GMCL1: variants seen among roughly 807,000 people sequenced by gnomAD.
GMCL1 encodes the protein germ cell-less protein-like 1.
Under a neutral mutation model 75.5 loss-of-function variants are expected in GMCL1, and 54 were observed. The ratio of observed to expected loss-of-function variants is 0.71; its 90% CI spans 0.57 to 0.90. GMCL1 has a LOEUF of 0.90. Ranked by LOEUF, GMCL1 falls within the 40% of genes least tolerant of loss-of-function variation. The probability of loss-of-function intolerance (pLI) is 0.00; values close to 1 mark genes in which losing one functional copy is unlikely to be tolerated. For synonymous variants in GMCL1, 210 were observed against 209.6 expected (o/e 1.00, Z -0.02); for missense variants, 537 against 622.7 (o/e 0.86, Z 1.47).
rs191915059 is a variant in GMCL1, at chr2:69,835,657, A to C, written c.261-1890A>C. 5.0e-3 allele frequency among the ~76,000 whole-genome samples: 762 copies of C among 151,878 alleles called. 5 individuals carry two copies. The highest frequency in any genetic ancestry group is 0.011 in the Admixed American group (169 of 15,154). The stretch of plus-strand genomic sequence containing the variant: ...GCTTTCATGGATCACAGCACATTTC[A>C]TATTTTAGTAATTTTCACCCCTGGT... On this transcript the variant is annotated intron_variant, in intron 1 of 13. Coordinates refer to ENST00000282570, the MANE Select transcript of GMCL1 (RefSeq NM_178439.5).
At chr2:69,847,682 A>G in intron 7 of GMCL1, 55 bp downstream of exon 7, 1 of 1,024,558 alleles carries the variant, frequency 9.8e-7, no homozygotes. Context: ...AGCAATGCGT[A>G]TAATGGTGAA....
At position 69,880,523 on chromosome 2, in the gene GMCL1, T is replaced by C. The variant is rs1178041534; in HGVS notation, c.*1519T>C. On this transcript the variant is annotated 3_prime_UTR_variant, in exon 14 of 14. Coordinates refer to ENST00000282570, the MANE Select transcript of GMCL1 (RefSeq NM_178439.5). ...TTTAAATGTTTCTAATACAGTGATT[T>C]GGCTGTTATCAAGAGGTTACATTTC... 2 of 152,166 alleles carry C rather than the reference T, an allele frequency of 1.3e-5. No homozygotes were observed. Among genetic ancestry groups the C allele is most frequent in the African/African-American group, 4.8e-5 (2 of 41,432 alleles). The allele number at this position is 152,166 out of a possible 1,614,324, so 9.4% of individuals were successfully genotyped here.
At chr2:69,837,799 C>A in intron 2 of GMCL1, 129 bp downstream of exon 2, 1 of 1,081,828 alleles carries the variant, frequency 9.2e-7, no homozygotes. Context: ...TTTGATCAGT[C>A]TGTAAGAAAA....
chr2:69,835,759 TG>T (rs1374789745), intron 1 of GMCL1, among the ~76,000 whole-genome samples: 1 of 152,192 alleles, frequency 6.6e-6, no homozygotes, highest in Non-Finnish European at 1.5e-5. Flanking sequence ...GATGTTACTG[TG>T]TTTCCTTCGA....
chr2:69,865,464 A>G (rs1209636183), intron 11 of GMCL1, among the ~76,000 whole-genome samples: 2 of 152,104 alleles, frequency 1.3e-5, no homozygotes, highest in Admixed American at 6.6e-5. Context: ...CCTGGCCAAC[A>G]TGGTGAAACC....
Position 69,856,640 on chromosome 2 carries a change from C to CTT in GMCL1, c.1072+1707_1072+1708dup, listed in dbSNP as rs34707640. Among the ~76,000 whole-genome samples, 47 of 89,850 alleles carry CTT rather than the reference C, an allele frequency of 5.2e-4. 1 individual carries two copies. The highest frequency in any genetic ancestry group is 1.4e-3 in the African/African-American group (34 of 25,096). 58.9% of individuals were successfully genotyped at this position (89,850 alleles called of 152,430 possible). On this transcript the variant is annotated intron_variant, in intron 9 of 13. Coordinates refer to ENST00000282570, the MANE Select transcript of GMCL1 (RefSeq NM_178439.5). ...AACAAAATCTTCCATCTCTTCCCTC[C>CTT]TTTTTTTTTTTTTTTTTTTTTTTTT...
chr2:69,849,714 A>G lies in GMCL1; in HGVS notation c.906A>G (p.Thr302=). The G allele has an allele frequency of 1.3e-6, 2 of 1,592,570 alleles. No homozygotes were observed. The highest frequency in any genetic ancestry group is 2.4e-5 in the South Asian group (2 of 84,762). Residue 302 remains threonine (T), a synonymous_variant, in exon 8 of 14, where the codon ACA becomes ACG. Transcript: ENST00000282570. ...CTTTAAAACAGCTTTTGACAGAAAC[A>G]GATGTCTGGTTTTCTAAACAGAGGA... ...NGSLKQLLTE[T]DVWFSKQRKD... is the part of the protein sequence containing the mutation.
At chr2:69,844,495 A>T (rs919406308) in intron 6 of GMCL1, 9 of 187,372 alleles carry the variant, frequency 4.8e-5, no homozygotes, top group Non-Finnish European at 8.7e-5. Context: ...GTTATATTTT[A>T]AAAATCATCT....
chr2:69,863,177 G>A (rs909885062), intron 10 of GMCL1, among the ~76,000 whole-genome samples: 9 of 152,104 alleles, frequency 5.9e-5, no homozygotes, highest in African/African-American at 9.7e-5. Flanking sequence ...CCACATATAC[G>A]AAAAGTTGGC....
At chr2:69,838,698 G>T (rs927375534) in intron 2 of GMCL1, among the ~76,000 whole-genome samples, 3 of 152,138 alleles carry the variant, frequency 2.0e-5, no homozygotes, top group East Asian at 1.9e-4. Context: ...TAACTTCAGG[G>T]TATGATTCAT....
At position 69,865,034 on chromosome 2, in the gene GMCL1, G is replaced by A. The variant is rs907529938; in HGVS notation, c.1218+59G>A. The A allele has an allele frequency of 2.8e-5, 34 of 1,230,736 alleles. No homozygotes were observed. The Admixed American group carries it at 5.8e-4, about 21-fold the overall frequency. 76.2% of individuals were successfully genotyped at this position (1,230,736 alleles called of 1,614,324 possible). On this transcript the variant is annotated intron_variant, in intron 11 of 13. Transcript: ENST00000282570. ...ACAAATTGTATTATCAGCACATCCT[G>A]CACCTGTAAGTAGTAATCATGACAC...
chr2:69,829,967 G>T lies in GMCL1; in HGVS notation c.75G>T (p.Ala25=). Residue 25 remains alanine (A), a synonymous_variant, in exon 1 of 14, where the codon GCG becomes GCT. Coordinates refer to ENST00000282570, the MANE Select transcript of GMCL1 (RefSeq NM_178439.5). ...CCCAGCAGGCGCAGGGTGCCAGGGCGGGGGGCTCGGCCCGGAGGCCGGACA... is the reference window on the plus strand; with the variant it reads ...CCCAGCAGGCGCAGGGTGCCAGGGCTGGGGGCTCGGCCCGGAGGCCGGACA... ...ALAQQAQGAR[A]GGSARRPDTG... 2.5e-6 allele frequency: 4 copies of T among 1,587,340 alleles called. No individual in the cohort carries two copies. The highest frequency in any genetic ancestry group is 3.4e-6 in the Non-Finnish European group (4 of 1,166,614).
At chr2:69,865,455 C>T (rs1474400990) in intron 11 of GMCL1, among the ~76,000 whole-genome samples, 2 of 152,100 alleles carry the variant, frequency 1.3e-5, no homozygotes, top group Non-Finnish European at 2.9e-5. Context: ...CAAGACCAGC[C>T]TGGCCAACAT....
intron 8 of GMCL1, among the ~76,000 whole-genome samples, chr2:69,854,197 T>A (rs1675404596): frequency 6.6e-6 from 1 of 151,080 alleles, no homozygotes; most frequent in Admixed American, 6.6e-5. Flanking sequence ...TCACACAGGC[T>A]GGAGTGCAGT....
At chr2:69,831,185 C>T (rs1226858081) in intron 1 of GMCL1, among the ~76,000 whole-genome samples, 2 of 152,156 alleles carry the variant, frequency 1.3e-5, no homozygotes. Context: ...TCCCAAAGTG[C>T]TGGAATTATA....
intron 6 of GMCL1, among the ~76,000 whole-genome samples, chr2:69,846,193 A>G (rs78459867): frequency 6.6e-6 from 1 of 152,216 alleles, no homozygotes; most frequent in Non-Finnish European, 1.5e-5. Flanking sequence ...GGTGATGTCA[A>G]GGCATAAATA....
At chr2:69,855,909 A>G (rs1173155279) in intron 9 of GMCL1, among the ~76,000 whole-genome samples, 1 of 152,166 alleles carries the variant, frequency 6.6e-6, no homozygotes, top group Admixed American at 6.6e-5. Flanking sequence ...CTTTTTGCAA[A>G]TGTATTTTGT....
intron 13 of GMCL1, among the ~76,000 whole-genome samples, chr2:69,877,770 T>TA (rs1000432472): frequency 2.6e-5 from 4 of 152,118 alleles, no homozygotes; most frequent in Non-Finnish European, 4.4e-5. Context: ...TATTCAAATT[T>TA]ATCTTCTTGT....
At chr2:69,832,526 G>A (rs1046755382) in intron 1 of GMCL1, among the ~76,000 whole-genome samples, 2 of 152,148 alleles carry the variant, frequency 1.3e-5, no homozygotes, top group Admixed American at 6.5e-5. Flanking sequence ...TTTCTCACAT[G>A]TATATAACAA....
Sources: gnomAD v4.1 joint callset for allele counts (sites outside exome capture counted in the v4.1 genomes callset) on GRCh38, gnomAD v4.1.1 for gene constraint, MANE v1.5 for transcripts, NCBI Gene and HGNC (gene_info 2026-07-23, HGNC 2026-07-21) for gene names.